The following ADAMTS12 variants were observed in gnomAD, a reference collection of about 807,000 sequenced individuals.
The protein encoded by ADAMTS12 is ADAM metallopeptidase with thrombospondin type 1 motif 12.
ADAMTS12 carries 118 observed loss-of-function variants against 167.8 expected under a neutral mutation model. That is an observed-to-expected ratio of 0.70 (90% CI 0.61 to 0.82). The LOEUF (loss-of-function observed/expected upper bound fraction) is 0.82. Among genes scored for constraint, ADAMTS12 ranks in the 40% least tolerant of loss-of-function variants. The pLI is 0.00. For synonymous variants in ADAMTS12, 704 were observed against 716.9 expected, an observed-to-expected ratio of 0.98 and a Z score of 0.29; for missense variants, 1,916 against 1,998.8, an observed-to-expected ratio of 0.96 and a Z score of 0.79.
chr5:33,612,635 C>T (rs1347683179), intron 16 of ADAMTS12, among the ~76,000 whole-genome samples: 1 of 152,162 alleles, frequency 6.6e-6, no homozygotes, highest in African/African-American at 2.4e-5. Flanking sequence ...TATCTATAGT[C>T]ACAATGACTT....
intron 2 of ADAMTS12, among the ~76,000 whole-genome samples, chr5:33,772,000 G>A (rs1200488551): frequency 1.3e-5 from 2 of 151,936 alleles, no homozygotes; most frequent in African/African-American, 2.4e-5. Context: ...GAGACTACAG[G>A]TATCTGCCAC....
intron 18 of ADAMTS12, among the ~76,000 whole-genome samples, chr5:33,584,682 C>A (rs1027343899): frequency 6.6e-6 from 1 of 152,158 alleles, no homozygotes; most frequent in Non-Finnish European, 1.5e-5. Context: ...TTACAATAAT[C>A]CTATCTTTCT....
chr5:33,630,832 G>T lies in ADAMTS12; in HGVS notation c.1970C>A (p.Pro657His). ...KMLDAVIDGT[P>H]CFEGGNSRNV... The stretch of plus-strand genomic sequence containing the variant: ...TCTGCTGTTGCCGCCTTCAAAGCAA[G>T]GGGTACCATCAATGACAGCATCCAG... Residue 657 changes from proline (P) to histidine (H), a missense_variant, in exon 13 of 24, where the codon CCT becomes CAT. Transcript: ENST00000504830. The T allele has an allele frequency of 6.2e-7, 1 of 1,613,646 alleles. No individual in the cohort carries two copies. The highest frequency in any genetic ancestry group is 8.5e-7 in the Non-Finnish European group (1 of 1,179,662).
chr5:33,639,437 G>C (rs1740352682), intron 11 of ADAMTS12, among the ~76,000 whole-genome samples: 1 of 152,202 alleles, frequency 6.6e-6, no homozygotes, highest in Non-Finnish European at 1.5e-5. Flanking sequence ...GTTATGTGAA[G>C]GGGAAAGCCA....
intron 2 of ADAMTS12, among the ~76,000 whole-genome samples, chr5:33,820,898 AC>A (rs1747844392): frequency 6.6e-6 from 1 of 152,194 alleles, no homozygotes; most frequent in South Asian, 2.1e-4. Flanking sequence ...GCATGTTCTC[AC>A]CTATGAGTGG....
intron 22 of ADAMTS12, 52 bp from the exon 23 acceptor site, chr5:33,535,044 G>C (rs1744313160): frequency 6.5e-7 from 1 of 1,527,256 alleles, no homozygotes; most frequent in Admixed American, 2.2e-5. Flanking sequence ...GACTCCCAAG[G>C]AAACACCAGT....
chr5:33,584,192 T>C (rs1352225592), intron 18 of ADAMTS12, among the ~76,000 whole-genome samples: 2 of 152,220 alleles, frequency 1.3e-5, no homozygotes, highest in South Asian at 2.1e-4. Flanking sequence ...AAATAAGTCA[T>C]GGTGAAGATT....
chr5:33,771,484 G>A (rs1249788632), intron 2 of ADAMTS12, among the ~76,000 whole-genome samples: 1 of 151,790 alleles, frequency 6.6e-6, no homozygotes, highest in Non-Finnish European at 1.5e-5. Context: ...CTCTGAGTGA[G>A]GTTTTTCTTC....
rs1326430067 is a variant in ADAMTS12, at chr5:33,849,421, ATATG to A, written c.489+31694_489+31697del. 7.8e-5 allele frequency among the ~76,000 whole-genome samples: 11 copies of A among 140,488 alleles called. No homozygotes were observed. In the Admixed American group the frequency reaches 8.2e-4, roughly 10 times the overall value. The allele number at this position is 140,488 out of a possible 152,430, so 92.2% of individuals were successfully genotyped here. On this transcript the variant is annotated intron_variant, in intron 2 of 23. Coordinates refer to ENST00000504830, the MANE Select transcript of ADAMTS12 (RefSeq NM_030955.4). Reference sequence around the variant, plus strand: ...ATATATGTATTGCACAGCAATATATATATGTATTGAATAGCAATATATATATGTA... The same window carrying A: ...ATATATGTATTGCACAGCAATATATATATTGAATAGCAATATATATATGTA...
At chr5:33,735,910 G>C (rs1744356674) in intron 3 of ADAMTS12, among the ~76,000 whole-genome samples, 1 of 151,978 alleles carries the variant, frequency 6.6e-6, no homozygotes, top group South Asian at 2.1e-4. Flanking sequence ...TCATTTGTTT[G>C]ATTTTTCCAG....
intron 3 of ADAMTS12, among the ~76,000 whole-genome samples, chr5:33,739,457 CTA>C (rs1744488868): frequency 6.6e-6 from 1 of 152,000 alleles, no homozygotes; most frequent in Non-Finnish European, 1.5e-5. Flanking sequence ...TCAGAAGAAA[CTA>C]TGTGTATGTG....
chr5:33,751,774 T>G (rs923071028), intron 2 of ADAMTS12, among the ~76,000 whole-genome samples: 2 of 152,234 alleles, frequency 1.3e-5, no homozygotes, highest in African/African-American at 4.8e-5. Flanking sequence ...ATTTGTGACC[T>G]TATTGAAAAA....
chr5:33,840,086 G>A (rs1167551078), intron 2 of ADAMTS12: 1 of 152,158 alleles, frequency 6.6e-6, no homozygotes, highest in Admixed American at 6.5e-5. Context: ...ATCTCCACTT[G>A]CAGAAAGACA....
At chr5:33,567,234 T>G (rs1746060854) in intron 19 of ADAMTS12, among the ~76,000 whole-genome samples, 1 of 152,244 alleles carries the variant, frequency 6.6e-6, no homozygotes, top group Non-Finnish European at 1.5e-5. Flanking sequence ...TCGCCTACTC[T>G]TTCATATTCT....
chr5:33,649,080 A>C, intron 8 of ADAMTS12, 114 bp from the exon 9 acceptor site: 1 of 1,311,570 alleles, frequency 7.6e-7, no homozygotes, highest in Non-Finnish European at 1.0e-6. Flanking sequence ...AGACAACTTT[A>C]TTTTTTACAA....
chr5:33,835,945 CTCTCTCTCTGTGTGTGTGTG>C (rs1187896303), intron 2 of ADAMTS12, among the ~76,000 whole-genome samples: 771 of 41,978 alleles, frequency 0.018, 27 homozygotes, highest in African/African-American at 0.046. Flanking sequence ...CTCTCTCTCT[CTCTCTCTCTGTGTGTGTGTG>C]TGTGTCCATC....
At chr5:33,585,298 A>C (rs1322999819) in intron 18 of ADAMTS12, among the ~76,000 whole-genome samples, 1 of 152,202 alleles carries the variant, frequency 6.6e-6, no homozygotes, top group East Asian at 1.9e-4. Context: ...GTCTGGATGC[A>C]CTGGGTTAAA....
chr5:33,741,392 G>A (rs1487463342), intron 3 of ADAMTS12, among the ~76,000 whole-genome samples: 1 of 152,122 alleles, frequency 6.6e-6, no homozygotes, highest in Non-Finnish European at 1.5e-5. Context: ...GGACATGCTT[G>A]CGTCCAGATT....
At chr5:33,794,200 G>GT (rs1299292253) in intron 2 of ADAMTS12, among the ~76,000 whole-genome samples, 2 of 152,222 alleles carry the variant, frequency 1.3e-5, no homozygotes, top group Non-Finnish European at 2.9e-5. Context: ...AGCTTCTCCA[G>GT]TGGAGGTGTG....
Sources: gnomAD v4.1 joint callset for allele counts (sites outside exome capture counted in the v4.1 genomes callset) on GRCh38, gnomAD v4.1.1 for gene constraint, MANE v1.5 for transcripts, NCBI Gene and HGNC (gene_info 2026-07-23, HGNC 2026-07-21) for gene names.